Variants in PDK3 observed in about 807,000 individuals in gnomAD.
PDK3 encodes the protein pyruvate dehydrogenase kinase, isozyme 3.
Under a neutral mutation model 32.0 loss-of-function variants are expected in PDK3, and 12 were observed. The ratio of observed to expected loss-of-function variants is 0.37; its 90% CI spans 0.24 to 0.61. The LOEUF (loss-of-function observed/expected upper bound fraction) is 0.61, where lower values mean the gene tolerates loss of function less well. Ranked by LOEUF, PDK3 falls within the 20% of genes least tolerant of loss-of-function variation. The pLI, the probability that PDK3 is intolerant of heterozygous loss-of-function variation, is 0.65. For synonymous variants in PDK3, 122 were observed against 116.3 expected (o/e 1.05, Z -0.31); for missense variants, 188 against 316.9 (o/e 0.59, Z 3.09).
At chrX:24,518,808 T>C in intron 5 of PDK3, 125 bp from the exon 6 acceptor site, 1 of 372,508 alleles carries the variant, frequency 2.7e-6, no homozygotes. Context: ...GTTTATCTTA[T>C]GTACCTATAG....
At chrX:24,536,902 A>G (rs1922787857), downstream of PDK3, among the ~76,000 whole-genome samples, 1 of 111,040 alleles carries the variant, frequency 9.0e-6, no homozygotes, top group African/African-American at 3.3e-5. Context: ...ATGTTATTGC[A>G]TGTAACAGTC....
At chrX:24,525,871 C>T (rs548413728) in intron 6 of PDK3, among the ~76,000 whole-genome samples, 1 of 112,232 alleles carries the variant, frequency 8.9e-6, no homozygotes, top group African/African-American at 3.2e-5. Context: ...TTGAAAAACA[C>T]CAAGTGATAT....
At position 24,503,521 on chromosome X, in the gene PDK3, AGTTT is replaced by A. The variant is rs1202173691; in HGVS notation, c.505+14_505+17del. On this transcript the variant is annotated intron_variant, in intron 4 of 10. Transcript: ENST00000379162. ...CTTATTAATCAGCACAGTAAGTTGG[AGTTT>A]GTTGGTCCAGTTTTGAAAAGGTAAC... is the stretch of plus-strand genomic sequence containing the variant. The A allele has an allele frequency of 1.8e-6, 2 of 1,127,906 alleles. No homozygotes were observed. Among genetic ancestry groups the A allele is most frequent in the African/African-American group, 1.8e-5 (1 of 54,649 alleles). The allele number at this position is 1,127,906 out of a possible 1,213,427, so 93.0% of individuals were successfully genotyped here.
At chrX:24,467,996 C>A (rs1940078553) in intron 1 of PDK3, among the ~76,000 whole-genome samples, 1 of 111,759 alleles carries the variant, frequency 8.9e-6, no homozygotes, top group Non-Finnish European at 1.9e-5. Context: ...CAAGTTGGCC[C>A]ACAGGCTGCT....
At chrX:24,502,387 C>G (rs1921879139) in intron 3 of PDK3, among the ~76,000 whole-genome samples, 1 of 111,724 alleles carries the variant, frequency 9.0e-6, no homozygotes, top group Admixed American at 9.6e-5. Flanking sequence ...TATATACATA[C>G]TCACTCATGG....
chrX:24,541,329 G>T (rs1473879912), exon 12 of PDK3, among the ~76,000 whole-genome samples: 1 of 110,912 alleles, frequency 9.0e-6, no homozygotes, highest in Non-Finnish European at 1.9e-5. Context: ...AGTTTAGGGG[G>T]TGCTGCCTAC....
chrX:24,504,655 A>G lies in PDK3; in HGVS notation c.506-554A>G, dbSNP rs184311167. On this transcript the variant is annotated intron_variant, in intron 4 of 10. Coordinates refer to ENST00000379162, the MANE Select transcript of PDK3 (RefSeq NM_005391.5). ...TTCTTTTGGCTTTTATTCAGAAACA[A>G]AATTTTGCAAATCTTGTATATTGTG... is the stretch of plus-strand genomic sequence containing the variant. 1.2e-3 allele frequency among the ~76,000 whole-genome samples: 134 copies of G among 112,161 alleles called. 1 individual carries two copies. The highest frequency in any genetic ancestry group is 2.3e-3 in the Non-Finnish European group (125 of 53,238).
At chrX:24,480,965 T>C (rs943748801) in intron 1 of PDK3, among the ~76,000 whole-genome samples, 1 of 112,190 alleles carries the variant, frequency 8.9e-6, no homozygotes, top group Non-Finnish European at 1.9e-5. Context: ...AATTGTCCTT[T>C]ATCCAAAATG....
At chrX:24,469,079 T>G (rs1920968747) in intron 1 of PDK3, among the ~76,000 whole-genome samples, 1 of 112,327 alleles carries the variant, frequency 8.9e-6, no homozygotes, top group South Asian at 3.6e-4. Context: ...TTATGGCTTC[T>G]GAGAATTTGG....
At chrX:24,541,465 C>T (rs1259884167) in exon 12 of PDK3, among the ~76,000 whole-genome samples, 1 of 111,639 alleles carries the variant, frequency 9.0e-6, no homozygotes, top group Non-Finnish European at 1.9e-5. Context: ...TCACATTCTT[C>T]CCTTTACAAG....
intron 5 of PDK3, 143 bp from the exon 6 acceptor site, chrX:24,518,790 T>C (rs994390354): frequency 5.6e-6 from 2 of 356,340 alleles, no homozygotes; most frequent in Admixed American, 5.3e-5. Flanking sequence ...CATCCATCCG[T>C]TTAGACAGTT....
At chrX:24,501,556 A>T (rs944460092) in intron 3 of PDK3, among the ~76,000 whole-genome samples, 4 of 112,506 alleles carry the variant, frequency 3.6e-5, no homozygotes, top group African/African-American at 1.3e-4. Flanking sequence ...TCTACTAAAA[A>T]TATGAAAATT....
At chrX:24,523,417 T>G (rs1922445474) in intron 6 of PDK3, among the ~76,000 whole-genome samples, 1 of 112,428 alleles carries the variant, frequency 8.9e-6, no homozygotes, top group Admixed American at 9.4e-5. Flanking sequence ...GTATGCTGAT[T>G]GGTGGGACAG....
At chrX:24,487,327 C>T (rs1921426597) in intron 1 of PDK3, among the ~76,000 whole-genome samples, 1 of 111,382 alleles carries the variant, frequency 9.0e-6, no homozygotes, top group Admixed American at 9.5e-5. Flanking sequence ...TTGAAGAGCT[C>T]ACCTGCACAC....
At chrX:24,504,936 G>A (rs1357346513) in intron 4 of PDK3, among the ~76,000 whole-genome samples, 1 of 111,698 alleles carries the variant, frequency 9.0e-6, no homozygotes, top group African/African-American at 3.3e-5. Context: ...CATTGGGAGA[G>A]GAAGAACGGA....
At chrX:24,546,871 G>C (rs763817470) in exon 12 of PDK3, 1 of 112,646 alleles carries the variant, frequency 8.9e-6, no homozygotes, top group African/African-American at 3.2e-5. Context: ...CATCATTACC[G>C]AAAGTGTCTA....
At chrX:24,497,597 T>A (rs1921749786) in intron 2 of PDK3, among the ~76,000 whole-genome samples, 1 of 113,035 alleles carries the variant, frequency 8.8e-6, no homozygotes, top group Admixed American at 9.3e-5. Flanking sequence ...CCAGAGACTT[T>A]TAAAAAGTAT....
downstream of PDK3, among the ~76,000 whole-genome samples, chrX:24,535,938 G>A (rs1922767173): frequency 1.0e-5 from 1 of 97,982 alleles, no homozygotes; most frequent in Non-Finnish European, 2.0e-5. Flanking sequence ...AGGAAGGAAA[G>A]GAAGGAAAAG....
intron 3 of PDK3, among the ~76,000 whole-genome samples, chrX:24,500,615 C>G (rs1210447071): frequency 8.9e-6 from 1 of 112,091 alleles, no homozygotes; most frequent in African/African-American, 3.2e-5. Flanking sequence ...TGTAGCTTGC[C>G]TAGGTTCATG....
Sources: gnomAD v4.1 joint callset for allele counts (sites outside exome capture counted in the v4.1 genomes callset) on GRCh38, gnomAD v4.1.1 for gene constraint, MANE v1.5 for transcripts, NCBI Gene and HGNC (gene_info 2026-07-23, HGNC 2026-07-21) for gene names.